ADI1: variants seen among roughly 807,000 people sequenced by gnomAD.
ADI1 encodes the protein acireductone dioxygenase.
A neutral mutation model predicts 18.7 loss-of-function variants in ADI1; 21 were observed. The ratio of observed to expected loss-of-function variants is 1.13; its 90% CI spans 0.80 to 1.62. The LOEUF (loss-of-function observed/expected upper bound fraction) is 1.62. Ranked by LOEUF, ADI1 falls within the 40% of genes most tolerant of loss-of-function variation. The pLI is 0.00. For missense variants in ADI1, 245 were observed against 254.9 expected, an observed-to-expected ratio of 0.96 and a Z score of 0.26; for synonymous variants, 90 against 100.1, an observed-to-expected ratio of 0.90 and a Z score of 0.60.
intron 1 of ADI1, chr2:3,516,040 T>TAATATGACACATTATATGA: frequency 1.0e-6 from 1 of 982,062 alleles, no homozygotes; most frequent in Non-Finnish European, 1.2e-6. Flanking sequence ...ACATAATATG[T>TAATATGACACATTATATGA]AATATGACAC....
intron 1 of ADI1, among the ~76,000 whole-genome samples, chr2:3,518,404 T>C (rs1159514353): frequency 3.3e-5 from 5 of 152,250 alleles, no homozygotes; most frequent in Non-Finnish European, 7.3e-5. Context: ...CCCTGAGGCC[T>C]ACCCTGGCCC....
intron 1 of ADI1, chr2:3,517,374 T>G (rs1667431796): frequency 6.6e-6 from 1 of 152,028 alleles, no homozygotes; most frequent in Admixed American, 6.6e-5. Flanking sequence ...AGAACGGAGG[T>G]TGCCCTATTC....
chr2:3,516,203 T>C, intron 1 of ADI1: 1 of 322,600 alleles, frequency 3.1e-6, no homozygotes, highest in Non-Finnish European at 4.5e-6. Flanking sequence ...GAGATGGAGC[T>C]GGGCACTGTG....
Position 3,519,405 on chromosome 2 carries a change from A to C in ADI1, c.83T>G (p.Leu28Arg). ...CACCCCGAGCCGCCGCAGCTGCTCCAGGCCCACTGGGCGGCCGGGGTCGGG... is the reference window on the plus strand; with the variant it reads ...CACCCCGAGCCGCCGCAGCTGCTCCCGGCCCACTGGGCGGCCGGGGTCGGG... ...HRPDPGRPVG[L>R]EQLRRLGVLY... The change falls in exon 1 of 4, where the codon CTG becomes CGG. Residue 28 changes from leucine (L) to arginine (R), a missense_variant. Transcript: ENST00000327435. The C allele has an allele frequency of 7.1e-7, 1 of 1,403,834 alleles. No individual in the cohort carries two copies. Among genetic ancestry groups the C allele is most frequent in the Non-Finnish European group, 9.2e-7 (1 of 1,086,124 alleles). The allele number at this position is 1,403,834 out of a possible 1,614,324, so 87.0% of individuals were successfully genotyped here.
chr2:3,505,019 C>G (rs1043195579), intron 2 of ADI1, among the ~76,000 whole-genome samples: 4 of 151,488 alleles, frequency 2.6e-5, no homozygotes, highest in Non-Finnish European at 4.4e-5. Context: ...GTTGGTTCAC[C>G]TGAGTATGTT....
At chr2:3,503,180 CACAT>C (rs1299218242) in intron 2 of ADI1, among the ~76,000 whole-genome samples, 3 of 151,412 alleles carry the variant, frequency 2.0e-5, no homozygotes, top group Non-Finnish European at 4.4e-5. Context: ...CATTCACACT[CACAT>C]GCACACATAC....
chr2:3,499,737 C>A (rs1666950349), intron 3 of ADI1, among the ~76,000 whole-genome samples: 1 of 152,076 alleles, frequency 6.6e-6, no homozygotes, highest in Non-Finnish European at 1.5e-5. Flanking sequence ...TACTGTGCAG[C>A]TGTAATCAGG....
chr2:3,510,378 C>T (rs1442409855), intron 2 of ADI1, among the ~76,000 whole-genome samples: 1 of 152,038 alleles, frequency 6.6e-6, no homozygotes, highest in East Asian at 1.9e-4. Flanking sequence ...AAATCAGTGA[C>T]TTCAGCTTCC....
chr2:3,509,424 A>G (rs1268423748), intron 2 of ADI1, among the ~76,000 whole-genome samples: 1 of 152,214 alleles, frequency 6.6e-6, no homozygotes, highest in African/African-American at 2.4e-5. Flanking sequence ...AACATTCTGG[A>G]CCATAAAACA....
At chr2:3,505,282 A>G (rs1667151793) in intron 2 of ADI1, among the ~76,000 whole-genome samples, 1 of 151,918 alleles carries the variant, frequency 6.6e-6, no homozygotes, top group Non-Finnish European at 1.5e-5. Flanking sequence ...AGCCCCTCAC[A>G]CTGGAGAGAC....
rs1388102756 is a variant in ADI1, at chr2:3,513,957, T to G, written c.140A>C (p.Glu47Ala). Residue 47 changes from glutamate (E) to alanine (A), a missense_variant, in exon 2 of 4, where the codon GAG becomes GCG. Physicochemically the swap from Glu to Ala is moderately radical, Grantham distance 107. Transcript: ENST00000327435. ...GATCTTTTCTAATTCTGGATCATTC[T>G]CATATTTGTCAGCATCCAGCTAAAA... Reference protein sequence around the residue: ...LYWKLDADKYENDPELEKIRR... With the variant: ...LYWKLDADKYANDPELEKIRR... 8 of 1,609,014 alleles carry G rather than the reference T, an allele frequency of 5.0e-6. No individual in the cohort carries two copies. In the South Asian group the frequency reaches 8.9e-5, roughly 18 times the overall value.
At chr2:3,519,261 T>TGCCGCGGCTCCCAG (rs1667503565) in intron 1 of ADI1, 107 bp downstream of exon 1, 2 of 1,299,736 alleles carry the variant, frequency 1.5e-6, no homozygotes, top group Non-Finnish European at 2.0e-6. Flanking sequence ...ATGCGCAGCA[T>TGCCGCGGCTCCCAG]GCCGCGGCTC....
chr2:3,514,036 T>C, intron 1 of ADI1, 60 bp from the exon 2 acceptor site: 2 of 1,531,720 alleles, frequency 1.3e-6, no homozygotes, highest in Non-Finnish European at 1.7e-6. Flanking sequence ...GTAGAAACAT[T>C]CTCTTTCTGG....
At chr2:3,516,880 T>C (rs1667420806) in intron 1 of ADI1, 1 of 984,946 alleles carries the variant, frequency 1.0e-6, no homozygotes, top group African/African-American at 1.8e-5. Context: ...GTTACATATA[T>C]ATAATGTTAA....
intron 1 of ADI1, 136 bp downstream of exon 1, chr2:3,519,232 C>T (rs778208196): frequency 1.1e-4 from 132 of 1,256,832 alleles, no homozygotes; most frequent in Non-Finnish European, 1.3e-4. Context: ...CCACGAACCC[C>T]CAAATCCCGC....
At chr2:3,514,716 A>C in intron 1 of ADI1, 1 of 1,465,390 alleles carries the variant, frequency 6.8e-7, no homozygotes. Context: ...TCCAGGCAGA[A>C]TTCATCTGAA....
intron 2 of ADI1, among the ~76,000 whole-genome samples, chr2:3,501,755 T>C (rs922192818): frequency 2.0e-5 from 3 of 152,124 alleles, no homozygotes; most frequent in Admixed American, 2.0e-4. Context: ...CTCAAACTCC[T>C]GACCTCAGGT....
chr2:3,516,385 G>C (rs1319685428), intron 1 of ADI1: 1 of 152,002 alleles, frequency 6.6e-6, no homozygotes, highest in Non-Finnish European at 1.5e-5. Flanking sequence ...GGGAGGCTGA[G>C]GCAGGAGAAT....
intron 2 of ADI1, among the ~76,000 whole-genome samples, chr2:3,511,017 C>G (rs1260494758): frequency 2.0e-5 from 3 of 152,204 alleles, no homozygotes; most frequent in Non-Finnish European, 4.4e-5. Flanking sequence ...CATGTTAAAT[C>G]GTAATTCTCA....
Sources: allele counts gnomAD v4.1 joint callset (sites outside exome capture counted in the v4.1 genomes callset), GRCh38; gene constraint gnomAD v4.1.1; transcripts MANE v1.5; gene names NCBI Gene and HGNC (gene_info 2026-07-23, HGNC 2026-07-21).